The following DOCK1 variants were observed in gnomAD, a reference collection of about 807,000 sequenced individuals.
The protein encoded by DOCK1 is dedicator of cytokinesis 1, also known as dedicator of cytokinesis protein 1.
Under a neutral mutation model 262.7 loss-of-function variants are expected in DOCK1, and 138 were observed. The ratio of observed to expected loss-of-function variants is 0.53; its 90% CI spans 0.46 to 0.61. DOCK1 has a LOEUF of 0.61. DOCK1 is among the 20% of genes least tolerant of loss of function. The pLI is 0.00. For missense variants in DOCK1, 1,908 were observed against 2,370.7 expected, an observed-to-expected ratio of 0.80 and a Z score of 4.05; for synonymous variants, 866 against 867.4, an observed-to-expected ratio of 1.00 and a Z score of 0.03.
At chr10:126,937,144 G>C (rs986264597) in intron 1 of DOCK1, among the ~76,000 whole-genome samples, 17 of 152,182 alleles carry the variant, frequency 1.1e-4, no homozygotes, top group African/African-American at 4.1e-4. Context: ...ATGGTTCACT[G>C]TATTTTAGCA....
chr10:127,353,227 T>C (rs1464824202), intron 31 of DOCK1, among the ~76,000 whole-genome samples: 1 of 152,158 alleles, frequency 6.6e-6, no homozygotes, highest in African/African-American at 2.4e-5. Context: ...CCCTGGGAAA[T>C]GCTGCAAGGA....
chr10:127,156,040 G>A (rs1370636498), intron 27 of DOCK1, among the ~76,000 whole-genome samples: 1 of 152,164 alleles, frequency 6.6e-6, no homozygotes, highest in African/African-American at 2.4e-5. Flanking sequence ...CTTACAGTGG[G>A]CGAAACCAGG....
rs2040244210 is a variant in DOCK1 at position 126,996,993 on chromosome 10, G to A, written c.609+110G>A. The A allele has an allele frequency of 1.1e-5, 14 of 1,253,960 alleles. No homozygotes were observed. The South Asian group carries it at 2.4e-4, about 22-fold the overall frequency. 77.7% of individuals were successfully genotyped at this position (1,253,960 alleles called of 1,614,324 possible). ...TGTCACTAAGAAAGAACCTGAAAAG[G>A]AGTAGCTGCAGAGTTTGTGTCCTAC... On this transcript the variant is annotated intron_variant, in intron 7 of 51. Transcript: ENST00000623213.
At chr10:127,333,302 G>T (rs2063062786) in intron 29 of DOCK1, among the ~76,000 whole-genome samples, 1 of 152,168 alleles carries the variant, frequency 6.6e-6, no homozygotes, top group African/African-American at 2.4e-5. Flanking sequence ...CAAGCCCCTG[G>T]AAGTTCCCTG....
intron 35 of DOCK1, among the ~76,000 whole-genome samples, chr10:127,378,083 G>T (rs1053863792): frequency 2.0e-5 from 3 of 151,980 alleles, no homozygotes; most frequent in Non-Finnish European, 4.4e-5. Flanking sequence ...TTAATTATTG[G>T]TCACTAATGT....
chr10:127,201,822 G>T (rs2057474330), intron 27 of DOCK1, among the ~76,000 whole-genome samples: 1 of 152,116 alleles, frequency 6.6e-6, no homozygotes, highest in Admixed American at 6.5e-5. Context: ...ACCTTTATTT[G>T]GTCAGTCTTG....
rs2063518576 is a variant in DOCK1, at chr10:127,343,638, G to A, written c.3124-8G>A. Reference sequence around the variant, plus strand: ...ACAACTTAGCATCTCCTCCTTTTTGGTTTTCAGCTGTGGAACAACTACTTT... The same window carrying A: ...ACAACTTAGCATCTCCTCCTTTTTGATTTTCAGCTGTGGAACAACTACTTT... On this transcript the variant is annotated splice_polypyrimidine_tract_variant and splice_region_variant and intron_variant, in intron 30 of 51. Coordinates refer to ENST00000623213, the MANE Select transcript of DOCK1 (RefSeq NM_001290223.2). 2 of 1,598,660 alleles carry A rather than the reference G, an allele frequency of 1.3e-6. No homozygotes were observed. Among genetic ancestry groups the A allele is most frequent in the Non-Finnish European group, 1.7e-6 (2 of 1,173,210 alleles).
intron 33 of DOCK1, among the ~76,000 whole-genome samples, chr10:127,372,711 T>C (rs1255104249): frequency 1.3e-5 from 2 of 152,178 alleles, no homozygotes; most frequent in East Asian, 3.8e-4. Flanking sequence ...CCTGAGAAAG[T>C]AGGTGATTGA....
At chr10:127,432,675 T>C (rs1591038613) in intron 47 of DOCK1, among the ~76,000 whole-genome samples, 1 of 152,192 alleles carries the variant, frequency 6.6e-6, no homozygotes, top group African/African-American at 2.4e-5. Flanking sequence ...AGAGATCTTT[T>C]TTTTGTTTGT....
rs537686860 is a variant in DOCK1 at position 127,366,713 on chromosome 10, A to G, written c.3432+4501A>G. Reference sequence around the variant, plus strand: ...TGTAGAGTGGACATGTGTGTGGCACATTGGTGCAGGGTTGGCCCCACCTGC... The same window carrying G: ...TGTAGAGTGGACATGTGTGTGGCACGTTGGTGCAGGGTTGGCCCCACCTGC... On this transcript the variant is annotated intron_variant, in intron 33 of 51. Transcript: ENST00000623213. 3.3e-5 allele frequency among the ~76,000 whole-genome samples: 5 copies of G among 152,278 alleles called. No homozygotes were observed. The East Asian group carries it at 7.7e-4, about 24-fold the overall frequency.
chr10:127,270,259 A>G (rs1035145648), intron 29 of DOCK1, among the ~76,000 whole-genome samples: 1 of 152,122 alleles, frequency 6.6e-6, no homozygotes, highest in Non-Finnish European at 1.5e-5. Context: ...ATGAAGAAAA[A>G]CATTTCCAAT....
chr10:127,175,142 T>C lies in DOCK1; in HGVS notation c.2847+47378T>C. 8.9e-6 allele frequency: 12 copies of C among 1,345,988 alleles called. No individual in the cohort carries two copies. The highest frequency in any genetic ancestry group is 1.0e-5 in the Non-Finnish European group (10 of 965,760). 83.4% of individuals were successfully genotyped at this position (1,345,988 alleles called of 1,614,324 possible). ...CTTTAGTCTCATTACAGACTTGGGT[T>C]TGGGGCTACAGATGGACTCTGTGGT... On this transcript the variant is annotated intron_variant, in intron 27 of 51. Coordinates refer to ENST00000623213, the MANE Select transcript of DOCK1 (RefSeq NM_001290223.2). The surrounding 1 kb of genome is among the most constrained non-coding windows in gnomAD (Gnocchi z 6.3).
chr10:127,310,566 T>C (rs2062028873), intron 29 of DOCK1, among the ~76,000 whole-genome samples: 1 of 152,190 alleles, frequency 6.6e-6, no homozygotes, highest in Non-Finnish European at 1.5e-5. Context: ...AGGGAGTAAT[T>C]TGTAACAGAA....
At chr10:127,119,967 G>T (rs2049447298) in intron 25 of DOCK1, among the ~76,000 whole-genome samples, 1 of 152,126 alleles carries the variant, frequency 6.6e-6, no homozygotes, top group African/African-American at 2.4e-5. Context: ...CCTGGCTTCG[G>T]CCCTTGCAGC....
chr10:127,111,687 T>C (rs1311825161), intron 25 of DOCK1, among the ~76,000 whole-genome samples: 2 of 152,010 alleles, frequency 1.3e-5, no homozygotes, highest in Non-Finnish European at 2.9e-5. Flanking sequence ...CCTCCGAAAA[T>C]TTTATATCTG....
At position 127,322,831 on chromosome 10, in the gene DOCK1, A is replaced by G. The variant is rs182576364; in HGVS notation, c.3045-16175A>G. 2.9e-3 allele frequency among the ~76,000 whole-genome samples: 439 copies of G among 152,342 alleles called. 5 individuals are homozygous for G. The highest frequency in any genetic ancestry group is 0.01 in the African/African-American group (429 of 41,584). On this transcript the variant is annotated intron_variant, in intron 29 of 51. Transcript: ENST00000623213. ...CAAGGCCTGACTTCTTTACTGTCTG[A>G]TCATTTACAGAAGAAGTGTACTGAT... is the stretch of plus-strand genomic sequence containing the variant.
intron 29 of DOCK1, among the ~76,000 whole-genome samples, chr10:127,336,407 C>T (rs7918814): frequency 0.021 from 3,251 of 152,048 alleles, 102 homozygotes; most frequent in African/African-American, 0.074. Context: ...GTTTTTGTCC[C>T]GGCATTTAAA....
intron 15 of DOCK1, 78 bp downstream of exon 15, chr10:127,024,861 A>G (rs2042715980): frequency 1.5e-6 from 2 of 1,290,400 alleles, no homozygotes; most frequent in Non-Finnish European, 2.1e-6. Flanking sequence ...ACATCCTAAC[A>G]TCCTCCTCAG....
chr10:127,381,596 A>G (rs1274576249), intron 37 of DOCK1, among the ~76,000 whole-genome samples: 1 of 152,210 alleles, frequency 6.6e-6, no homozygotes, highest in African/African-American at 2.4e-5. Context: ...GTGATCACTG[A>G]GCATTATAAA....
Sources: gnomAD v4.1 joint callset for allele counts (sites outside exome capture counted in the v4.1 genomes callset) on GRCh38, gnomAD v4.1.1 for gene constraint, Gnocchi (gnomAD v3.1) non-coding constraint, MANE v1.5 for transcripts, NCBI Gene and HGNC (gene_info 2026-07-23, HGNC 2026-07-21) for gene names.